The following APBB1IP variants were observed in gnomAD, a reference collection of about 807,000 sequenced individuals.
The protein encoded by APBB1IP is amyloid beta precursor protein binding family B member 1 interacting protein.
Under a neutral mutation model 64.9 loss-of-function variants are expected in APBB1IP, and 27 were observed. That is an observed-to-expected ratio of 0.42 (90% CI 0.31 to 0.57). The LOEUF (loss-of-function observed/expected upper bound fraction) is 0.57. Among genes scored for constraint, APBB1IP ranks in the 20% least tolerant of loss-of-function variants. The probability of loss-of-function intolerance (pLI) is 0.20; values close to 1 mark genes in which losing one functional copy is unlikely to be tolerated. For missense variants in APBB1IP, 812 were observed against 845.5 expected (o/e 0.96, Z 0.49); for synonymous variants, 392 against 331.0 (o/e 1.18, Z -2.00).
chr10:26,504,323 T>C (rs978955406), intron 6 of APBB1IP, among the ~76,000 whole-genome samples: 1 of 152,328 alleles, frequency 6.6e-6, no homozygotes, highest in East Asian at 1.9e-4. Flanking sequence ...TTTCAGAGTA[T>C]AGGTTTTTGA....
At chr10:26,489,023 G>T (rs977625012) in intron 2 of APBB1IP, among the ~76,000 whole-genome samples, 2 of 152,126 alleles carry the variant, frequency 1.3e-5, no homozygotes, top group Non-Finnish European at 2.9e-5. Context: ...ACCCCTTCTT[G>T]TACCCTCTCA....
intron 2 of APBB1IP, 35 bp from the exon 3 acceptor site, chr10:26,492,292 G>A: frequency 6.3e-7 from 1 of 1,591,698 alleles, no homozygotes. Flanking sequence ...AGGCTTTTAT[G>A]AGACTGCTAA....
In APBB1IP at chr10:26,516,543, C is replaced by CAAAAAAAAAAAAAAAAAAAAAAAA. The variant is rs71401901; in HGVS notation, c.813+2901_813+2902insAAAAAAAAAAAAAAAAAAAAAAAA. Among the ~76,000 whole-genome samples the CAAAAAAAAAAAAAAAAAAAAAAAA allele has an allele frequency of 8.7e-4, 41 of 47,204 alleles. 7 individuals carry two copies. Among genetic ancestry groups the CAAAAAAAAAAAAAAAAAAAAAAAA allele is most frequent in the East Asian group, 7.7e-3 (6 of 780 alleles). The allele number at this position is 47,204 out of a possible 152,430, so 31.0% of individuals were successfully genotyped here. ...TGGGTGACAGAGCAAGACTCCATCT[C>CAAAAAAAAAAAAAAAAAAAAAAAA]AAAAAAAAAAAAAAAAAAGTAAAGC... is the stretch of plus-strand genomic sequence containing the variant. On this transcript the variant is annotated intron_variant, in intron 8 of 14. Coordinates refer to ENST00000376236, the MANE Select transcript of APBB1IP (RefSeq NM_019043.4).
intron 11 of APBB1IP, among the ~76,000 whole-genome samples, chr10:26,549,779 G>C (rs1419234969): frequency 1.3e-5 from 2 of 150,866 alleles, no homozygotes; most frequent in Non-Finnish European, 3.0e-5. Context: ...ATTAATATTT[G>C]TGTTTTAGCC....
intron 8 of APBB1IP, among the ~76,000 whole-genome samples, chr10:26,521,784 T>C (rs960124172): frequency 1.3e-5 from 2 of 152,160 alleles, no homozygotes; most frequent in East Asian, 3.8e-4. Flanking sequence ...GGAGTCTTGC[T>C]TTGTCACCCA....
chr10:26,505,723 A>G (rs1214791335), intron 6 of APBB1IP, among the ~76,000 whole-genome samples: 3 of 152,090 alleles, frequency 2.0e-5, no homozygotes, highest in Admixed American at 2.0e-4. Flanking sequence ...TCCCACCAAG[A>G]CATCTACCTA....
intron 2 of APBB1IP, among the ~76,000 whole-genome samples, chr10:26,460,447 C>CT (rs1835576267): frequency 6.6e-6 from 1 of 152,136 alleles, no homozygotes; most frequent in Admixed American, 6.5e-5. Context: ...TCTCTTTCCC[C>CT]TTTTTTATGA....
chr10:26,456,337 C>G lies in APBB1IP; in HGVS notation c.-1+17484C>G, dbSNP rs182919294. ...CATTAAGTGAAAGCCTTTGGTGTGC[C>G]TAGGAATTATAGGGAAAATAGCAGT... On this transcript the variant is annotated intron_variant, in intron 2 of 14. Transcript: ENST00000376236. Among the ~76,000 whole-genome samples the G allele has an allele frequency of 3.3e-5, 5 of 152,070 alleles. No individual in the cohort carries two copies. The East Asian group carries it at 9.6e-4, about 29-fold the overall frequency.
chr10:26,542,771 T>C (rs1216746950), intron 11 of APBB1IP, among the ~76,000 whole-genome samples: 1 of 151,744 alleles, frequency 6.6e-6, no homozygotes, highest in African/African-American at 2.4e-5. Context: ...CTAGCCTTTT[T>C]TTTTTAATTC....
At chr10:26,441,482 A>T (rs779221536) in intron 2 of APBB1IP, among the ~76,000 whole-genome samples, 1 of 152,140 alleles carries the variant, frequency 6.6e-6, no homozygotes, top group Non-Finnish European at 1.5e-5. Context: ...CTTTTGGGGG[A>T]CTAGAGGATG....
intron 12 of APBB1IP, 110 bp downstream of exon 12, chr10:26,560,313 C>A: frequency 4.0e-6 from 4 of 1,000,604 alleles, no homozygotes; most frequent in Non-Finnish European, 6.2e-6. Context: ...TGGGTTCAGC[C>A]ACAGACATTA....
At chr10:26,462,047 A>C (rs575264599) in intron 2 of APBB1IP, among the ~76,000 whole-genome samples, 162 of 152,348 alleles carry the variant, frequency 1.1e-3, no homozygotes, top group Non-Finnish European at 1.4e-3. Context: ...GGCCAAATCC[A>C]CGTGGCTGCT....
chr10:26,486,849 A>G (rs761566012), intron 2 of APBB1IP, among the ~76,000 whole-genome samples: 1 of 152,234 alleles, frequency 6.6e-6, no homozygotes, highest in African/African-American at 2.4e-5. Flanking sequence ...GCCTAGAAAT[A>G]TTAAGCATTA....
chr10:26,520,020 G>A lies in APBB1IP; in HGVS notation c.813+6360G>A, dbSNP rs181452849. ...TGTTTAAAGCTGGGCACAGTGGCTC[G>A]TGCCTGTAATTCCAGATGCTTAATT... On this transcript the variant is annotated intron_variant, in intron 8 of 14. Coordinates refer to ENST00000376236, the MANE Select transcript of APBB1IP (RefSeq NM_019043.4). Among the ~76,000 whole-genome samples the A allele has an allele frequency of 8.5e-5, 13 of 152,174 alleles. No homozygotes were observed. In the East Asian group the frequency reaches 9.7e-4, roughly 11 times the overall value.
chr10:26,505,234 G>A (rs1836160062), intron 6 of APBB1IP, among the ~76,000 whole-genome samples: 1 of 152,162 alleles, frequency 6.6e-6, no homozygotes, highest in South Asian at 2.1e-4. Flanking sequence ...GGATATTCAG[G>A]AAGTAGTCCT....
intron 8 of APBB1IP, among the ~76,000 whole-genome samples, chr10:26,521,554 G>A (rs1236896197): frequency 6.6e-6 from 1 of 151,946 alleles, no homozygotes; most frequent in African/African-American, 2.4e-5. Flanking sequence ...TCTTCCCTTT[G>A]GTGGACTTCC....
At chr10:26,443,359 G>T (rs2132391168) in intron 2 of APBB1IP, among the ~76,000 whole-genome samples, 1 of 151,716 alleles carries the variant, frequency 6.6e-6, no homozygotes, top group South Asian at 2.1e-4. Context: ...AGGAGGTGGA[G>T]GTTGCAGTGA....
chr10:26,507,511 A>G (rs981898833), intron 6 of APBB1IP, among the ~76,000 whole-genome samples: 1 of 152,100 alleles, frequency 6.6e-6, no homozygotes, highest in Non-Finnish European at 1.5e-5. Context: ...ATAAATAAAT[A>G]TGGGTCATAC....
In APBB1IP at chr10:26,498,692, G is replaced by A. The variant is rs560769452; in HGVS notation, c.161-2127G>A. Reference sequence around the variant, plus strand: ...CTTAATTGTAGTCATCTCAACTAACGCTTTCTAAGCACTAACTCAGTGCCT... The same window carrying A: ...CTTAATTGTAGTCATCTCAACTAACACTTTCTAAGCACTAACTCAGTGCCT... On this transcript the variant is annotated intron_variant, in intron 4 of 14. Transcript: ENST00000376236. 2.1e-3 allele frequency among the ~76,000 whole-genome samples: 324 copies of A among 152,112 alleles called. 4 individuals carry two copies. The highest frequency in any genetic ancestry group is 6.5e-3 in the African/African-American group (268 of 41,488).
Sources: gnomAD v4.1 joint callset for allele counts (sites outside exome capture counted in the v4.1 genomes callset) on GRCh38, gnomAD v4.1.1 for gene constraint, MANE v1.5 for transcripts, NCBI Gene and HGNC (gene_info 2026-07-23, HGNC 2026-07-21) for gene names.